ATM: variants seen among roughly 807,000 people sequenced by gnomAD.
ATM encodes ATM serine/threonine kinase, also known as serine-protein kinase ATM.
In ATM, 308 loss-of-function variants were observed where a neutral mutation model predicts 387.0. That is an observed-to-expected ratio of 0.80 (90% CI 0.73 to 0.87). ATM has a LOEUF of 0.87. Among genes scored for constraint, ATM ranks in the 40% least tolerant of loss-of-function variants. The pLI is 0.00. For missense variants in ATM, 3,312 were observed against 3,560.9 expected (o/e 0.93, Z 1.78); for synonymous variants, 1,156 against 1,187.3 (o/e 0.97, Z 0.54).
chr11:108,339,169 G>A (rs1351173413), intron 56 of ATM, among the ~76,000 whole-genome samples: 1 of 152,178 alleles, frequency 6.6e-6, no homozygotes, highest in African/African-American at 2.4e-5. Context: ...AATTAGGGTG[G>A]CTGGCCCCAT....
intron 56 of ATM, among the ~76,000 whole-genome samples, chr11:108,338,911 T>C (rs1263936596): frequency 1.3e-5 from 2 of 152,180 alleles, no homozygotes; most frequent in African/African-American, 2.4e-5. Context: ...CCCAGTCCAG[T>C]CATCTGTAGA....
chr11:108,366,177 C>G lies in ATM; in HGVS notation c.*669C>G. 5.2e-6 allele frequency: 1 copy of G among 194,164 alleles called. No individual in the cohort carries two copies. Among genetic ancestry groups the G allele is most frequent in the East Asian group, 8.2e-5 (1 of 12,148 alleles). The allele number at this position is 194,164 out of a possible 1,614,324, so 12.0% of individuals were successfully genotyped here. A position where few individuals can be genotyped will look rare whatever the true frequency, so the allele number is the denominator to read the frequency against. ...TTTTTTTAAGTGTGTATTAAAACTT[C>G]TCATTCTATTCTCTTTATCTTTTAA... is the stretch of plus-strand genomic sequence containing the variant. On this transcript the variant is annotated 3_prime_UTR_variant, in exon 63 of 63. Transcript: ENST00000675843.
At chr11:108,335,748 C>T in intron 55 of ATM, 97 bp from the exon 56 acceptor site, 1 of 851,372 alleles carries the variant, frequency 1.2e-6, no homozygotes, top group Non-Finnish European at 2.0e-6. Context: ...CACAGATGCT[C>T]AGATTGGTTT....
rs1591778897 is a variant in ATM at position 108,316,054 on chromosome 11, G to C, written c.6139G>C (p.Val2047Leu). The C allele has an allele frequency of 6.2e-7, 1 of 1,614,158 alleles. No individual in the cohort carries two copies. The highest frequency in any genetic ancestry group is 8.5e-7 in the Non-Finnish European group (1 of 1,180,022). The change falls in exon 42 of 63, where the codon GTA (valine) becomes CTA (leucine). Residue 2047 changes from valine (V) to leucine (L), a missense_variant. Coordinates refer to ENST00000675843, the MANE Select transcript of ATM (RefSeq NM_000051.4). Reference sequence around the variant, plus strand: ...CGAAGCAATGTGGGGCAAAGCCCTAGTAACATATGACCTCGAAACAGCAAT... The same window carrying C: ...CGAAGCAATGTGGGGCAAAGCCCTACTAACATATGACCTCGAAACAGCAAT... The part of the protein sequence containing the change: ...EHEAMWGKAL[V>L]TYDLETAIPS...
intron 61 of ATM, among the ~76,000 whole-genome samples, chr11:108,359,569 A>G (rs1010599548): frequency 6.6e-5 from 10 of 152,200 alleles, no homozygotes; most frequent in Admixed American, 3.9e-4. Flanking sequence ...CAGCAAATGT[A>G]AAAGAACAGA....
intron 33 of ATM, among the ~76,000 whole-genome samples, chr11:108,298,694 C>G (rs897019847): frequency 1.3e-5 from 2 of 151,926 alleles, no homozygotes; most frequent in Non-Finnish European, 2.9e-5. Context: ...CTAGCCAGAG[C>G]AATTAAACAA....
Position 108,331,498 on chromosome 11 carries a change from G to C in ATM, c.7570G>C (p.Ala2524Pro), listed in dbSNP as rs769142993. 15 of 1,613,158 alleles carry C rather than the reference G, an allele frequency of 9.3e-6. No homozygotes were observed. Residue 2524 changes from alanine (A) to proline (P), a missense_variant, in exon 51 of 63, where the codon GCT becomes CCT. Around this residue, in one of 4 missense-constraint regions of ATM, gnomAD observed 1,405 missense variants for 1,604.4 expected, o/e 0.88. Transcript: ENST00000675843. ...ATTTTTGCCTCTTATGTACCAATTG[G>C]CTGCTAGAATGGGGACCAAGATGAT... ...YKFLPLMYQL[A>P]ARMGTKMMGG...
Position 108,275,019 on chromosome 11 carries a change from C to T in ATM, c.3284+2167C>T, listed in dbSNP as rs190767477. 2.6e-5 allele frequency among the ~76,000 whole-genome samples: 4 copies of T among 152,270 alleles called. No individual in the cohort carries two copies. The East Asian group carries it at 7.7e-4, about 29-fold the overall frequency. ...TGGAAGTCTAAGTCTCTTCGTAGGT[C>T]TAAGAACTTGCTTTATGAATCTGGG... On this transcript the variant is annotated intron_variant, in intron 22 of 62. Transcript: ENST00000675843.
chr11:108,352,712 A>G (rs1308180918), intron 59 of ATM, among the ~76,000 whole-genome samples: 1 of 152,260 alleles, frequency 6.6e-6, no homozygotes, highest in East Asian at 1.9e-4. Context: ...CCATGCCCTG[A>G]AATACTACTC....
intron 42 of ATM, among the ~76,000 whole-genome samples, chr11:108,317,083 A>G (rs530574568): frequency 2.0e-5 from 3 of 146,882 alleles, no homozygotes; most frequent in Non-Finnish European, 3.0e-5. Context: ...ACAGGTACAC[A>G]CTACCATACC....
rs750763671 is a variant in ATM at position 108,325,460 on chromosome 11, C to T, written c.6723C>T (p.Asn2241=). Residue 2241 remains asparagine (N), a synonymous_variant, in exon 46 of 63, where the codon AAC becomes AAT. Coordinates refer to ENST00000675843, the MANE Select transcript of ATM (RefSeq NM_000051.4). ...TCCTGATGGAAAAGGAAATGGACAA[C>T]TCACAAAGAGAATGTATTAAGGACA... The part of the protein sequence containing the change: ...LEILMEKEMD[N]SQRECIKDIL... 6.2e-7 allele frequency: 1 copy of T among 1,613,756 alleles called. No homozygotes were observed. Among genetic ancestry groups the T allele is most frequent in the South Asian group, 1.1e-5 (1 of 91,078 alleles).
rs730881278 is a variant in ATM, at chr11:108,345,856, T to C, written c.8532T>C (p.Ile2844=). The C allele has an allele frequency of 1.4e-5, 23 of 1,613,738 alleles. No individual in the cohort carries two copies. The Middle Eastern group carries it at 1.2e-3, about 81-fold the overall frequency. The change falls in exon 58 of 63, where the codon ATT becomes ATC. Residue 2844 remains isoleucine (I), a synonymous_variant. Transcript: ENST00000675843. The part of the protein sequence containing the change: ...FCMEKFLDPA[I]WFEKRLAYTR... ...TGGAAAAATTCTTGGATCCAGCTAT[T>C]TGGTTTGAGAAGCGATTGGCTTATA...
intron 16 of ATM, 85 bp downstream of exon 16, chr11:108,259,160 C>A (rs2080707639): frequency 9.4e-7 from 1 of 1,060,042 alleles, no homozygotes; most frequent in Non-Finnish European, 1.4e-6. Flanking sequence ...AATAAGGATG[C>A]ATCTCACAAC....
Position 108,320,194 on chromosome 11 carries a change from T to C in ATM, c.6452+136T>C, listed in dbSNP as rs185161595. On this transcript the variant is annotated intron_variant, in intron 44 of 62. Coordinates refer to ENST00000675843, the MANE Select transcript of ATM (RefSeq NM_000051.4). ...AGACTTGGTGGCTGTGATCAGATGT[T>C]TCCTTGTAATTCTCTGCCCTCCTTC... The C allele has an allele frequency of 4.5e-5, 31 of 685,224 alleles. No individual in the cohort carries two copies. In the African/African-American group the frequency reaches 4.9e-4, roughly 11 times the overall value. 42.4% of individuals were successfully genotyped at this position (685,224 alleles called of 1,614,324 possible). A position where few individuals can be genotyped will look rare whatever the true frequency, so the allele number is the denominator to read the frequency against.
intron 16 of ATM, among the ~76,000 whole-genome samples, chr11:108,266,914 G>A (rs550139328): frequency 1.3e-5 from 2 of 151,354 alleles, no homozygotes; most frequent in East Asian, 2.0e-4. Flanking sequence ...TCCTGCCTCA[G>A]CTTCCTGAGT....
At chr11:108,284,578 A>G in intron 26 of ATM, 105 bp downstream of exon 26, 1 of 1,488,198 alleles carries the variant, frequency 6.7e-7, no homozygotes, top group Non-Finnish European at 9.2e-7. Context: ...ATATATTGAA[A>G]CTTAGCTTGT....
In ATM at chr11:108,326,170, T is replaced by C. The variant is rs2085661534; in HGVS notation, c.6920T>C (p.Leu2307Pro). 6.2e-7 allele frequency: 1 copy of C among 1,614,170 alleles called. No individual in the cohort carries two copies. The highest frequency in any genetic ancestry group is 8.5e-7 in the Non-Finnish European group (1 of 1,180,020). Residue 2307 changes from leucine (L) to proline (P), a missense_variant, in exon 47 of 63, where the codon CTT (leucine) becomes CCT (proline). Physicochemically the swap from Leu to Pro is moderately conservative, Grantham distance 98. Coordinates refer to ENST00000675843, the MANE Select transcript of ATM (RefSeq NM_000051.4). Reference protein sequence around the residue: ...QVFWAKKEQSLALSILKQMIK... With the variant: ...QVFWAKKEQSPALSILKQMIK... The stretch of plus-strand genomic sequence containing the variant: ...TTCTGGGCAAAAAAGGAGCAGAGTC[T>C]TGCCCTGAGTATTCTCAAGCAAATG...
At chr11:108,316,880 C>T (rs1348236756) in intron 42 of ATM, among the ~76,000 whole-genome samples, 2 of 151,332 alleles carry the variant, frequency 1.3e-5, no homozygotes, top group African/African-American at 2.4e-5. Context: ...GAGCCGAGAT[C>T]GCGCCACTGC....
chr11:108,256,080 C>T (rs947872239), intron 13 of ATM, 135 bp from the exon 14 acceptor site: 3 of 735,542 alleles, frequency 4.1e-6, no homozygotes, highest in Non-Finnish European at 5.9e-6. Context: ...TAGAGCTATC[C>T]AGGATATGCC....
Sources: allele counts gnomAD v4.1 joint callset (sites outside exome capture counted in the v4.1 genomes callset), GRCh38; gene constraint gnomAD v4.1.1; regional missense constraint gnomAD v4.1.1; transcripts MANE v1.5; gene names NCBI Gene and HGNC (gene_info 2026-07-23, HGNC 2026-07-21).